The following RABEP1 variants were observed in gnomAD, a reference collection of about 807,000 sequenced individuals.
RABEP1 encodes the protein rabaptin, RAB GTPase binding effector protein 1, also known as rab GTPase-binding effector protein 1.
Under a neutral mutation model 123.4 loss-of-function variants are expected in RABEP1, and 51 were observed. The ratio of observed to expected loss-of-function variants is 0.41; its 90% CI spans 0.33 to 0.52. The LOEUF (loss-of-function observed/expected upper bound fraction) is 0.52. Among genes scored for constraint, RABEP1 ranks in the 20% least tolerant of loss-of-function variants. The probability of loss-of-function intolerance (pLI) is 0.16; values close to 1 mark genes in which losing one functional copy is unlikely to be tolerated. For synonymous variants in RABEP1, 347 were observed against 355.2 expected, an observed-to-expected ratio of 0.98 and a Z score of 0.26; for missense variants, 888 against 996.3, an observed-to-expected ratio of 0.89 and a Z score of 1.46.
rs1039031985 is a variant in RABEP1 at position 5,282,705 on chromosome 17, C to T, written c.34+185C>T. 6.4e-4 allele frequency among the ~76,000 whole-genome samples: 94 copies of T among 146,546 alleles called. 1 individual carries two copies. Among genetic ancestry groups the T allele is most frequent in the African/African-American group, 2.2e-3 (89 of 40,622 alleles). ...GCGGCGCGGGCGCCCCGGCTGCCGT[C>T]GCTGGGGAGGGGGCGGGAGGCGCGG... is the stretch of plus-strand genomic sequence containing the variant. On this transcript the variant is annotated intron_variant, in intron 1 of 17. Coordinates refer to ENST00000537505, the MANE Select transcript of RABEP1 (RefSeq NM_004703.6).
At chr17:5,291,295 A>G (rs2075030846) in intron 1 of RABEP1, among the ~76,000 whole-genome samples, 1 of 152,082 alleles carries the variant, frequency 6.6e-6, no homozygotes. Flanking sequence ...GTGTAACCCC[A>G]GCTACTTGGG....
chr17:5,368,053 A>G (rs994599870), intron 11 of RABEP1, among the ~76,000 whole-genome samples: 1 of 152,006 alleles, frequency 6.6e-6, no homozygotes, highest in South Asian at 2.1e-4. Context: ...CACTGCACCC[A>G]GCCTGATTTT....
intron 1 of RABEP1, among the ~76,000 whole-genome samples, chr17:5,296,795 G>A (rs1166328142): frequency 6.6e-6 from 1 of 152,196 alleles, no homozygotes; most frequent in Non-Finnish European, 1.5e-5. Flanking sequence ...AGCTCCAGCT[G>A]GAGTGCAGTG....
In RABEP1 at chr17:5,352,136, T is replaced by G. The variant is rs1263251321; in HGVS notation, c.963+1507T>G. ...TTTCTTCTTTTTTAAATTTCCTTTT[T>G]GTCTCTTAATTTGGACTCATTCGTC... On this transcript the variant is annotated intron_variant, in intron 7 of 17. Coordinates refer to ENST00000537505, the MANE Select transcript of RABEP1 (RefSeq NM_004703.6). 3.3e-5 allele frequency among the ~76,000 whole-genome samples: 5 copies of G among 152,168 alleles called. No individual in the cohort carries two copies. In the East Asian group the frequency reaches 9.6e-4, roughly 29 times the overall value.
intron 5 of RABEP1, among the ~76,000 whole-genome samples, chr17:5,343,579 ATAG>A (rs1262464839): frequency 6.6e-6 from 1 of 151,454 alleles, no homozygotes; most frequent in Non-Finnish European, 1.5e-5. Context: ...TATCTTAATT[ATAG>A]TAGCTTTACT....
intron 1 of RABEP1, among the ~76,000 whole-genome samples, chr17:5,282,975 T>G (rs1469370968): frequency 6.6e-6 from 1 of 152,152 alleles, no homozygotes; most frequent in African/African-American, 2.4e-5. Context: ...TTATGTGACC[T>G]GAAAGTAGTT....
chr17:5,323,487 C>T (rs1905588330), intron 2 of RABEP1, among the ~76,000 whole-genome samples: 1 of 151,924 alleles, frequency 6.6e-6, no homozygotes, highest in African/African-American at 2.4e-5. Flanking sequence ...TGACTGATAA[C>T]TTTAGTAAAA....
chr17:5,301,263 C>T (rs754555068), intron 1 of RABEP1, among the ~76,000 whole-genome samples: 10 of 152,138 alleles, frequency 6.6e-5, no homozygotes, highest in Non-Finnish European at 1.3e-4. Context: ...TTTCTTTACA[C>T]TGCTCTATTC....
chr17:5,320,242 A>T (rs1224896698), intron 2 of RABEP1, among the ~76,000 whole-genome samples: 1 of 152,068 alleles, frequency 6.6e-6, no homozygotes, highest in East Asian at 1.9e-4. Context: ...ATGTGCTGAA[A>T]GAAAAAAAAA....
intron 8 of RABEP1, among the ~76,000 whole-genome samples, chr17:5,360,400 A>C (rs1232790582): frequency 2.6e-5 from 4 of 152,120 alleles, no homozygotes; most frequent in Admixed American, 6.5e-5. Flanking sequence ...ATCTCTACTA[A>C]AAATAGAAAA....
intron 1 of RABEP1, among the ~76,000 whole-genome samples, chr17:5,295,785 G>A (rs1248073044): frequency 6.6e-6 from 1 of 152,120 alleles, no homozygotes; most frequent in African/African-American, 2.4e-5. Flanking sequence ...GCTGCTCAAG[G>A]ATGTCAAAGA....
intron 6 of RABEP1, among the ~76,000 whole-genome samples, chr17:5,348,278 C>G (rs1048895699): frequency 1.3e-5 from 2 of 152,158 alleles, no homozygotes; most frequent in African/African-American, 4.8e-5. Context: ...CACGCCCAGC[C>G]CAGATAGGCT....
chr17:5,327,505 T>G (rs987687882), intron 2 of RABEP1, among the ~76,000 whole-genome samples: 2 of 152,218 alleles, frequency 1.3e-5, no homozygotes, highest in African/African-American at 4.8e-5. Flanking sequence ...CTGTTGTGTA[T>G]GTTTTTTGTT....
In RABEP1 at chr17:5,369,554, A is replaced by C. The variant is rs533970614; in HGVS notation, c.1884+1086A>C. Among the ~76,000 whole-genome samples, 6 of 152,324 alleles carry C rather than the reference A, an allele frequency of 3.9e-5. No homozygotes were observed. The South Asian group carries it at 1.2e-3, about 32-fold the overall frequency. On this transcript the variant is annotated intron_variant, in intron 12 of 17. Transcript: ENST00000537505. ...GGTCTGTTGGGAAGCATCTCATCCT[A>C]ATCATTGACCCATAGTTTCATGTGT...
intron 5 of RABEP1, among the ~76,000 whole-genome samples, chr17:5,344,771 CAAAAAA>C (rs1177790100): frequency 2.8e-4 from 13 of 46,940 alleles, no homozygotes; most frequent in South Asian, 1.1e-3. Context: ...GACACTGTCT[CAAAAAA>C]AAAAAAAAAA....
intron 1 of RABEP1, among the ~76,000 whole-genome samples, chr17:5,292,737 C>T (rs2075044906): frequency 6.6e-6 from 1 of 152,126 alleles, no homozygotes; most frequent in Non-Finnish European, 1.5e-5. Context: ...AGTCTGGTGG[C>T]ATGGTGCGAT....
At chr17:5,308,065 C>T (rs1045009492) in intron 1 of RABEP1, among the ~76,000 whole-genome samples, 2 of 152,042 alleles carry the variant, frequency 1.3e-5, no homozygotes, top group African/African-American at 4.8e-5. Flanking sequence ...TCAAATAATC[C>T]AATATTTAAC....
At chr17:5,296,814 A>G (rs1469358707) in intron 1 of RABEP1, among the ~76,000 whole-genome samples, 84 of 152,162 alleles carry the variant, frequency 5.5e-4, no homozygotes, top group Admixed American at 5.5e-3. Context: ...TGGTACAGTC[A>G]TGGCTCACGG....
At chr17:5,317,024 C>T (rs2075304941) in intron 2 of RABEP1, among the ~76,000 whole-genome samples, 1 of 151,954 alleles carries the variant, frequency 6.6e-6, no homozygotes, top group African/African-American at 2.4e-5. Flanking sequence ...CCTGCCCTAG[C>T]CTCCTGAGTT....
Sources: allele counts gnomAD v4.1 joint callset (sites outside exome capture counted in the v4.1 genomes callset), GRCh38; gene constraint gnomAD v4.1.1; transcripts MANE v1.5; gene names NCBI Gene and HGNC (gene_info 2026-07-23, HGNC 2026-07-21).